The following C10orf90 variants were observed in gnomAD, a reference collection of about 807,000 sequenced individuals.
The protein encoded by C10orf90 is (E2-independent) E3 ubiquitin-conjugating enzyme FATS.
A neutral mutation model predicts 62.5 loss-of-function variants in C10orf90; 56 were observed. The observed-to-expected ratio is 0.90, with a 90% CI of 0.72 to 1.12. The LOEUF (loss-of-function observed/expected upper bound fraction) is 1.12, where lower values mean the gene tolerates loss of function less well. Among genes scored for constraint, C10orf90 ranks in the 50% most tolerant of loss-of-function variants. The pLI, the probability that C10orf90 is intolerant of heterozygous loss-of-function variation, is 0.00. For missense variants in C10orf90, 970 were observed against 880.4 expected (o/e 1.10, Z -1.29); for synonymous variants, 386 against 340.4 (o/e 1.13, Z -1.47).
At chr10:126,554,648 G>A (rs764931440) in intron 2 of C10orf90, among the ~76,000 whole-genome samples, 1 of 152,160 alleles carries the variant, frequency 6.6e-6, no homozygotes, top group Non-Finnish European at 1.5e-5. Context: ...CAGTGATAGA[G>A]TCCTCTTCAA....
chr10:126,562,134 G>A (rs936914880), intron 2 of C10orf90, among the ~76,000 whole-genome samples: 5 of 152,258 alleles, frequency 3.3e-5, no homozygotes, highest in South Asian at 4.1e-4. Context: ...TCCTGCCGGC[G>A]TTAGTTTATC....
At chr10:126,538,174 C>T (rs574751348) in intron 2 of C10orf90, among the ~76,000 whole-genome samples, 6 of 152,262 alleles carry the variant, frequency 3.9e-5, no homozygotes, top group Non-Finnish European at 7.4e-5. Flanking sequence ...TGGCGGCAGG[C>T]AAGAGAGTGT....
At chr10:126,461,997 A>G (rs916387829) in intron 5 of C10orf90, among the ~76,000 whole-genome samples, 1 of 152,168 alleles carries the variant, frequency 6.6e-6, no homozygotes, top group African/African-American at 2.4e-5. Flanking sequence ...GGGCGCTGGT[A>G]TTCAATTATA....
intron 1 of C10orf90, among the ~76,000 whole-genome samples, chr10:126,657,385 C>G (rs987302728): frequency 9.2e-5 from 14 of 152,166 alleles, no homozygotes; most frequent in African/African-American, 3.4e-4. Context: ...ATTCCGGGTT[C>G]TTCATATAAG....
intron 2 of C10orf90, among the ~76,000 whole-genome samples, chr10:126,643,728 G>T (rs1172412257): frequency 1.3e-5 from 2 of 152,178 alleles, no homozygotes. Flanking sequence ...GTCTACAATA[G>T]TGGGTTTCTG....
At chr10:126,478,635 T>C (rs955110872) in intron 4 of C10orf90, among the ~76,000 whole-genome samples, 1 of 151,776 alleles carries the variant, frequency 6.6e-6, no homozygotes, top group Non-Finnish European at 1.5e-5. Context: ...TTTGCCAGAG[T>C]CACTGGATGA....
intron 2 of C10orf90, among the ~76,000 whole-genome samples, chr10:126,554,528 C>T (rs900853574): frequency 5.9e-5 from 9 of 152,178 alleles, no homozygotes; most frequent in South Asian, 2.1e-4. Context: ...GTTTGCTGCA[C>T]GTATGTGCTA....
At chr10:126,657,741 G>A (rs867648476) in intron 1 of C10orf90, among the ~76,000 whole-genome samples, 11 of 151,020 alleles carry the variant, frequency 7.3e-5, no homozygotes, top group South Asian at 2.1e-4. Context: ...TCAGCCTCCC[G>A]AGTAGCTGGG....
intron 2 of C10orf90, among the ~76,000 whole-genome samples, chr10:126,514,542 G>A (rs1460819786): frequency 1.3e-5 from 2 of 152,196 alleles, no homozygotes; most frequent in African/African-American, 4.8e-5. Context: ...AGTAGACCAA[G>A]AACTGGAGAA....
chr10:126,516,141 G>C (rs113874158), intron 2 of C10orf90, among the ~76,000 whole-genome samples: 9 of 152,314 alleles, frequency 5.9e-5, no homozygotes, highest in African/African-American at 1.9e-4. Context: ...GCCCCAGGCC[G>C]ACCTACAGTG....
Position 126,447,943 on chromosome 10 carries a change from C to T in C10orf90, c.2188+11097G>A, listed in dbSNP as rs181690779. Reference sequence around the variant, plus strand: ...CTTGGCTCAGTGCAACCTCCGCCTCCGGGGTTCAAGTGACTCTCCTGCCTC... The same window carrying T: ...CTTGGCTCAGTGCAACCTCCGCCTCTGGGGTTCAAGTGACTCTCCTGCCTC... On this transcript the variant is annotated intron_variant, in intron 7 of 9. Transcript: ENST00000488181. Among the ~76,000 whole-genome samples, 719 of 150,788 alleles carry T rather than the reference C, an allele frequency of 4.8e-3. 6 individuals are homozygous for T. The highest frequency in any genetic ancestry group is 0.017 in the African/African-American group (677 of 41,024).
intron 7 of C10orf90, among the ~76,000 whole-genome samples, chr10:126,446,103 A>T (rs1398073275): frequency 6.6e-6 from 1 of 152,078 alleles, no homozygotes; most frequent in Admixed American, 6.6e-5. Context: ...AATCACCGCT[A>T]AAGTATGTAC....
chr10:126,664,569 C>A (rs1384462039), intron 1 of C10orf90, among the ~76,000 whole-genome samples: 4 of 152,150 alleles, frequency 2.6e-5, no homozygotes, highest in African/African-American at 9.7e-5. Context: ...TTTCTCTTAA[C>A]CACACCACCA....
chr10:126,493,104 G>A (rs1222094976), intron 4 of C10orf90, among the ~76,000 whole-genome samples: 2 of 150,738 alleles, frequency 1.3e-5, no homozygotes, highest in Non-Finnish European at 2.9e-5. Context: ...AAAATCCATT[G>A]TTGAGAAAAG....
Position 126,504,050 on chromosome 10 carries a change from T to G in C10orf90, c.1441A>C (p.Arg481=). ...GTTGTATGGTCCTTTTCCCCTTTTC[T>G]TACAGTGACTTGGTTAGCTCCCACA... ...ANVGANQVTV[R]KGEKDHTTHC... is the part of the protein sequence containing the mutation. The change falls in exon 4 of 10, where the codon AGA becomes CGA. Residue 481 remains arginine (R), a synonymous_variant. Transcript: ENST00000488181. This position sits in a 1 kb window ranked among gnomAD's most constrained non-coding sequence, Gnocchi z 4.1. The G allele has an allele frequency of 1.2e-6, 2 of 1,614,116 alleles. No individual in the cohort carries two copies.
At chr10:126,568,767 G>T (rs145280859) in intron 2 of C10orf90, among the ~76,000 whole-genome samples, 1 of 152,126 alleles carries the variant, frequency 6.6e-6, no homozygotes, top group African/African-American at 2.4e-5. Flanking sequence ...GAAGCCAAGG[G>T]GCTCACAGCT....
intron 2 of C10orf90, among the ~76,000 whole-genome samples, chr10:126,544,233 C>T (rs1214953266): frequency 6.6e-6 from 1 of 152,158 alleles, no homozygotes; most frequent in Non-Finnish European, 1.5e-5. Context: ...ATACATTTGT[C>T]CTTACAGATG....
intron 1 of C10orf90, among the ~76,000 whole-genome samples, chr10:126,649,519 A>G (rs1211790499): frequency 6.6e-6 from 1 of 152,138 alleles, no homozygotes; most frequent in Admixed American, 6.5e-5. Flanking sequence ...TCCTATTTGC[A>G]TAACACATCT....
At chr10:126,617,635 C>G (rs559098772) in intron 2 of C10orf90, among the ~76,000 whole-genome samples, 1 of 152,352 alleles carries the variant, frequency 6.6e-6, no homozygotes, top group South Asian at 2.1e-4. Flanking sequence ...TTCTCCACCA[C>G]TGTGTCTCAT....
Sources: gnomAD v4.1 joint callset for allele counts (sites outside exome capture counted in the v4.1 genomes callset) on GRCh38, gnomAD v4.1.1 for gene constraint, Gnocchi (gnomAD v3.1) non-coding constraint, MANE v1.5 for transcripts, NCBI Gene and HGNC (gene_info 2026-07-23, HGNC 2026-07-21) for gene names.